The following P2RY14 variants were observed in gnomAD, a reference collection of about 807,000 sequenced individuals.
P2RY14 encodes purinergic receptor P2Y14.
Under a neutral mutation model 0.9 loss-of-function variants are expected in P2RY14, and 2 were observed. The ratio of observed to expected loss-of-function variants is 2.16; its 90% CI spans 0.88 to 6.79. P2RY14 has a LOEUF of 6.79. Among genes scored for constraint, P2RY14 ranks in the 30% most tolerant of loss-of-function variants. The pLI is 0.05. For missense variants in P2RY14, 378 were observed against 400.1 expected (o/e 0.94, Z 0.47); for synonymous variants, 158 against 147.2 (o/e 1.07, Z -0.53).
At chr3:151,251,651 A>G (rs553040573) in intron 1 of P2RY14, among the ~76,000 whole-genome samples, 64 of 152,288 alleles carry the variant, frequency 4.2e-4, no homozygotes, top group African/African-American at 1.4e-3. Flanking sequence ...CTTGGTCTGT[A>G]TATCACAGCA....
At chr3:151,253,843 C>T (rs1242570168) in intron 1 of P2RY14, among the ~76,000 whole-genome samples, 1 of 152,112 alleles carries the variant, frequency 6.6e-6, no homozygotes, top group Non-Finnish European at 1.5e-5. Flanking sequence ...CCATGGACAC[C>T]TGACTCCTAA....
At position 151,256,991 on chromosome 3, in the gene P2RY14, G is replaced by A. The variant is rs1737944690; in HGVS notation, c.-133+21296C>T. 1.3e-5 allele frequency among the ~76,000 whole-genome samples: 2 copies of A among 151,942 alleles called. 1 individual carries two copies. Among genetic ancestry groups the A allele is most frequent in the South Asian group, 4.2e-4 (2 of 4,808 alleles). The stretch of plus-strand genomic sequence containing the variant: ...AGTATGTATGATTTGCCAGGAGTTA[G>A]GATACTTAACCCTGTATTAGAAGCA... On this transcript the variant is annotated intron_variant, in intron 1 of 2. Transcript: ENST00000309170.
intron 1 of P2RY14, among the ~76,000 whole-genome samples, chr3:151,229,756 C>T (rs570992936): frequency 1.3e-5 from 2 of 152,100 alleles, no homozygotes; most frequent in Non-Finnish European, 1.5e-5. Flanking sequence ...TGAGCCACTG[C>T]GCCAGGCGAA....
chr3:151,225,839 G>A (rs764483235), intron 1 of P2RY14, among the ~76,000 whole-genome samples: 2 of 152,170 alleles, frequency 1.3e-5, no homozygotes, highest in African/African-American at 2.4e-5. Flanking sequence ...TAAGTCTGTT[G>A]TCTTTTTCTC....
In P2RY14 at chr3:151,230,056, G is replaced by A. The variant is rs188156812; in HGVS notation, c.-132-10414C>T. ...GCGATCTCAGCTCACTGCAAGCTTC[G>A]CCTGCTGGGTTCACGCCATTCTCCC... On this transcript the variant is annotated intron_variant, in intron 1 of 2. Coordinates refer to ENST00000309170, the MANE Select transcript of P2RY14 (RefSeq NM_014879.4). Among the ~76,000 whole-genome samples, 8 of 151,914 alleles carry A rather than the reference G, an allele frequency of 5.3e-5. No individual in the cohort carries two copies. In the South Asian group the frequency reaches 6.3e-4, roughly 12 times the overall value.
At chr3:151,239,608 A>C (rs1256480194) in intron 1 of P2RY14, among the ~76,000 whole-genome samples, 1 of 152,226 alleles carries the variant, frequency 6.6e-6, no homozygotes, top group East Asian at 1.9e-4. Flanking sequence ...TATAACTGTC[A>C]CAATTTTAAT....
chr3:151,217,071 G>A (rs1196528328), intron 2 of P2RY14, among the ~76,000 whole-genome samples: 1 of 152,130 alleles, frequency 6.6e-6, no homozygotes, highest in African/African-American at 2.4e-5. Context: ...AAAAACTGTA[G>A]CTGTTATTTT....
At chr3:151,255,320 T>C (rs1245827119) in intron 1 of P2RY14, among the ~76,000 whole-genome samples, 5 of 152,178 alleles carry the variant, frequency 3.3e-5, no homozygotes, top group Non-Finnish European at 5.9e-5. Context: ...ACATGCAGTG[T>C]GACTTAAATA....
chr3:151,272,694 C>T (rs576679034), intron 1 of P2RY14, among the ~76,000 whole-genome samples: 196 of 152,252 alleles, frequency 1.3e-3, no homozygotes, highest in Admixed American at 1.8e-3. Flanking sequence ...GACAGATGTG[C>T]AGGAGGTGGG....
intron 1 of P2RY14, among the ~76,000 whole-genome samples, chr3:151,247,506 G>C (rs201692271): frequency 6.7e-6 from 1 of 149,422 alleles, no homozygotes; most frequent in Non-Finnish European, 1.5e-5. Context: ...GTAAACTATC[G>C]CAAGAACAAA....
intron 1 of P2RY14, among the ~76,000 whole-genome samples, chr3:151,234,911 T>C (rs1161274145): frequency 6.6e-6 from 1 of 152,202 alleles, no homozygotes; most frequent in Admixed American, 6.5e-5. Context: ...ATAATAAGAA[T>C]CTGTCCAGCC....
chr3:151,249,888 G>A (rs1736495289), intron 1 of P2RY14, among the ~76,000 whole-genome samples: 1 of 152,098 alleles, frequency 6.6e-6, no homozygotes, highest in Non-Finnish European at 1.5e-5. Context: ...CCGTCTACTT[G>A]AATTCATCCA....
chr3:151,226,863 G>A (rs1008375984), intron 1 of P2RY14, among the ~76,000 whole-genome samples: 3 of 152,050 alleles, frequency 2.0e-5, no homozygotes, highest in African/African-American at 4.8e-5. Flanking sequence ...ATACAGAGTC[G>A]GACTATCATG....
intron 1 of P2RY14, among the ~76,000 whole-genome samples, chr3:151,232,977 C>T (rs1181969058): frequency 6.6e-6 from 1 of 152,108 alleles, no homozygotes; most frequent in Non-Finnish European, 1.5e-5. Flanking sequence ...TTTCTTTTCA[C>T]CTTTCAAATA....
At chr3:151,215,962 T>A (rs1179108350) in intron 2 of P2RY14, among the ~76,000 whole-genome samples, 5 of 152,134 alleles carry the variant, frequency 3.3e-5, no homozygotes, top group Non-Finnish European at 7.3e-5. Context: ...CTTCTCTTTA[T>A]CCTCAAGGCC....
chr3:151,213,887 T>C lies in P2RY14; in HGVS notation c.430A>G (p.Ile144Val), dbSNP rs780791224. The C allele has an allele frequency of 3.1e-6, 5 of 1,613,854 alleles. No homozygotes were observed. Among genetic ancestry groups the C allele is most frequent in the Admixed American group, 3.3e-5 (2 of 60,000 alleles). Residue 144 changes from isoleucine (I) to valine (V), a missense_variant, in exon 3 of 3, where the codon ATA (isoleucine) becomes GTA (valine). Coordinates refer to ENST00000309170, the MANE Select transcript of P2RY14 (RefSeq NM_014879.4). ...SVSYSKLLSV[I>V]VWMLMLLLAV... ...AGGAGGAGCATGAGCATCCATACTA[T>C]CACTGACAGAAGTTTGCTGTAACTC...
chr3:151,251,380 T>A (rs992242259), intron 1 of P2RY14, among the ~76,000 whole-genome samples: 2 of 151,996 alleles, frequency 1.3e-5, no homozygotes, highest in African/African-American at 2.4e-5. Context: ...CAAAGCCTGG[T>A]GATTTTTTTT....
At position 151,243,808 on chromosome 3, in the gene P2RY14, C is replaced by T. The variant is rs1284491704; in HGVS notation, c.-132-24166G>A. Among the ~76,000 whole-genome samples, 40 of 149,968 alleles carry T rather than the reference C, an allele frequency of 2.7e-4. No homozygotes were observed. In the Middle Eastern group the frequency reaches 0.017, roughly 64 times the overall value. ...AAATGGACTAAATGCTCCAATTAAA[C>T]GACACAGACTGGCAAATTGGATAAA... is the stretch of plus-strand genomic sequence containing the variant. On this transcript the variant is annotated intron_variant, in intron 1 of 2. Transcript: ENST00000309170.
intron 1 of P2RY14, among the ~76,000 whole-genome samples, chr3:151,236,895 C>G (rs1033399460): frequency 6.6e-6 from 1 of 152,072 alleles, no homozygotes; most frequent in Non-Finnish European, 1.5e-5. Context: ...TGGGGTATTT[C>G]CAGGTTTTTG....
Sources: gnomAD v4.1 joint callset for allele counts (sites outside exome capture counted in the v4.1 genomes callset) on GRCh38, gnomAD v4.1.1 for gene constraint, MANE v1.5 for transcripts, NCBI Gene and HGNC (gene_info 2026-07-23, HGNC 2026-07-21) for gene names.